Variants in EDNRB observed in about 807,000 individuals in gnomAD.
EDNRB encodes the protein endothelin receptor type B, also known as Hirschsprung disease 2.
A neutral mutation model predicts 46.4 loss-of-function variants in EDNRB; 18 were observed. The ratio of observed to expected loss-of-function variants is 0.39; its 90% CI spans 0.27 to 0.57. The LOEUF (loss-of-function observed/expected upper bound fraction) is 0.57. Among genes scored for constraint, EDNRB ranks in the 20% least tolerant of loss-of-function variants. The pLI is 0.61. For missense variants in EDNRB, 434 were observed against 537.5 expected (o/e 0.81, Z 1.90); for synonymous variants, 213 against 204.9 (o/e 1.04, Z -0.34).
At chr13:77,924,576 T>C (rs1880178361), upstream of EDNRB, among the ~76,000 whole-genome samples, 1 of 152,218 alleles carries the variant, frequency 6.6e-6, no homozygotes, top group Non-Finnish European at 1.5e-5. Flanking sequence ...TCTTAACCAT[T>C]TTTTAAGTGT....
intron 1 of EDNRB, among the ~76,000 whole-genome samples, chr13:77,904,763 G>A (rs1431703243): frequency 1.3e-5 from 2 of 151,864 alleles, no homozygotes; most frequent in African/African-American, 4.8e-5. Context: ...GTGAACATCT[G>A]GATCAAATGT....
intron 1 of EDNRB, among the ~76,000 whole-genome samples, chr13:77,925,612 T>C (rs1012175106): frequency 3.3e-5 from 5 of 152,214 alleles, no homozygotes; most frequent in African/African-American, 1.2e-4. Flanking sequence ...TGCCTAGATT[T>C]CAGAAGACGT....
intron 1 of EDNRB, among the ~76,000 whole-genome samples, chr13:77,962,570 G>A (rs376069254): frequency 6.6e-6 from 1 of 152,064 alleles, no homozygotes; most frequent in African/African-American, 2.4e-5. Context: ...AAATTCAACA[G>A]CCCTTCATGC....
rs1222779965 is a variant in EDNRB, at chr13:77,897,052, AT to A, written c.*1147del. On this transcript the variant is annotated 3_prime_UTR_variant, in exon 7 of 7. Coordinates refer to ENST00000646607, the MANE Select transcript of EDNRB (RefSeq NM_001122659.3). ...AATCTGTATGATTTTGAAAAATAGT[AT>A]TTTAACTATAGCATTATACATATGC... The A allele has an allele frequency of 1.0e-6, 1 of 986,696 alleles. No homozygotes were observed. Among genetic ancestry groups the A allele is most frequent in the African/African-American group, 1.7e-5 (1 of 57,240 alleles). The allele number at this position is 986,696 out of a possible 1,614,324, so 61.1% of individuals were successfully genotyped here. A position where few individuals can be genotyped will look rare whatever the true frequency, so the allele number is the denominator to read the frequency against.
At position 77,896,718 on chromosome 13, in the gene EDNRB, A is replaced by C; in HGVS notation, c.*1482T>G. The C allele has an allele frequency of 7.1e-7, 1 of 1,400,680 alleles. No individual in the cohort carries two copies. The highest frequency in any genetic ancestry group is 9.2e-7 in the Non-Finnish European group (1 of 1,082,532). 86.8% of individuals were successfully genotyped at this position (1,400,680 alleles called of 1,614,324 possible). On this transcript the variant is annotated 3_prime_UTR_variant, in exon 7 of 7. Coordinates refer to ENST00000646607, the MANE Select transcript of EDNRB (RefSeq NM_001122659.3). ...CATTGATGTGACGAGGCAATGACGA[A>C]CGTTAGGCTAAGAATGGGAATCTGT...
chr13:77,911,856 A>G (rs910851703), intron 1 of EDNRB, among the ~76,000 whole-genome samples: 5 of 152,124 alleles, frequency 3.3e-5, no homozygotes, highest in African/African-American at 1.2e-4. Flanking sequence ...GCTATCTCCC[A>G]AACATAACCA....
chr13:77,969,845 T>G (rs1216491333), intron 1 of EDNRB, among the ~76,000 whole-genome samples: 1 of 152,162 alleles, frequency 6.6e-6, no homozygotes, highest in Non-Finnish European at 1.5e-5. Flanking sequence ...TTTTAACAAC[T>G]TCAAAGTGTA....
intron 1 of EDNRB, among the ~76,000 whole-genome samples, chr13:77,908,245 C>T (rs1365906794): frequency 6.6e-6 from 1 of 151,860 alleles, no homozygotes; most frequent in Non-Finnish European, 1.5e-5. Flanking sequence ...CCTCACTGAT[C>T]AGAAGGCTTT....
intron 1 of EDNRB, among the ~76,000 whole-genome samples, chr13:77,958,267 C>A (rs561451882): frequency 3.9e-5 from 6 of 152,276 alleles, no homozygotes; most frequent in Admixed American, 2.6e-4. Context: ...GGAATAAGAA[C>A]CATGGCTTTA....
At chr13:77,971,338 G>A (rs1340743063) in intron 1 of EDNRB, among the ~76,000 whole-genome samples, 1 of 152,194 alleles carries the variant, frequency 6.6e-6, no homozygotes, top group East Asian at 1.9e-4. Flanking sequence ...TTTATGTTTA[G>A]GTTTTGCCCA....
At chr13:77,943,632 T>A (rs1159699656) in intron 1 of EDNRB, among the ~76,000 whole-genome samples, 1 of 152,120 alleles carries the variant, frequency 6.6e-6, no homozygotes, top group Non-Finnish European at 1.5e-5. Context: ...TTTTATGTCA[T>A]CCTCATTTCA....
At chr13:77,901,342 AATC>A (rs1878970871) in intron 3 of EDNRB, 135 bp from the exon 4 acceptor site, 1 of 945,968 alleles carries the variant, frequency 1.1e-6, no homozygotes, top group African/African-American at 1.7e-5. Flanking sequence ...TATCATACAG[AATC>A]TTTCAGGCCA....
chr13:77,917,340 T>C (rs1021183920), intron 1 of EDNRB, among the ~76,000 whole-genome samples: 1 of 152,186 alleles, frequency 6.6e-6, no homozygotes, highest in African/African-American at 2.4e-5. Flanking sequence ...ACTGTAGATA[T>C]TTAATACAAA....
rs1299045673 is a variant in EDNRB, at chr13:77,918,057, C to T, written c.483+34G>A. ...CCGTCTCCAACCAGGCCCCCTTCCT[C>T]AAGCCCACCATGATTTCAGCAGGCG... On this transcript the variant is annotated intron_variant, in intron 1 of 6. Transcript: ENST00000646607. The surrounding 1 kb of genome is among the most constrained non-coding windows in gnomAD (Gnocchi z 4.5). The T allele has an allele frequency of 1.2e-6, 2 of 1,613,476 alleles. No homozygotes were observed. Among genetic ancestry groups the T allele is most frequent in the African/African-American group, 1.3e-5 (1 of 75,012 alleles).
chr13:77,962,735 C>T (rs1881463134), intron 1 of EDNRB, among the ~76,000 whole-genome samples: 1 of 152,184 alleles, frequency 6.6e-6, no homozygotes, highest in Non-Finnish European at 1.5e-5. Flanking sequence ...CCTCTCTCAC[C>T]ACTCCTATTC....
At chr13:77,900,937 C>A in intron 4 of EDNRB, 121 bp downstream of exon 4, 1 of 1,225,174 alleles carries the variant, frequency 8.2e-7, no homozygotes, top group Non-Finnish European at 1.1e-6. Flanking sequence ...CTACCAGAAA[C>A]AAGAAAAAGG....
chr13:77,970,467 G>T (rs2137694960), intron 1 of EDNRB, among the ~76,000 whole-genome samples: 1 of 152,250 alleles, frequency 6.6e-6, no homozygotes, highest in South Asian at 2.1e-4. Flanking sequence ...AGGATAGTTT[G>T]TAACTGTGTG....
At chr13:77,900,863 C>A (rs1374556114) in intron 4 of EDNRB, among the ~76,000 whole-genome samples, 195 bp downstream of exon 4, 1 of 151,698 alleles carries the variant, frequency 6.6e-6, no homozygotes. Flanking sequence ...CTCCCTAGAT[C>A]CTTTTAGATT....
chr13:77,955,860 T>TCTAA (rs1240661292), intron 1 of EDNRB, among the ~76,000 whole-genome samples: 22 of 151,578 alleles, frequency 1.5e-4, no homozygotes, highest in African/African-American at 5.3e-4. Flanking sequence ...TATCTATCTA[T>TCTAA]CTATCTATCT....
Sources: allele counts gnomAD v4.1 joint callset (sites outside exome capture counted in the v4.1 genomes callset), GRCh38; gene constraint gnomAD v4.1.1; non-coding constraint Gnocchi (gnomAD v3.1); transcripts MANE v1.5; gene names NCBI Gene and HGNC (gene_info 2026-07-23, HGNC 2026-07-21).